IFNGR2: variants seen among roughly 807,000 people sequenced by gnomAD.
IFNGR2 encodes the protein IFN-gamma receptor 2.
A neutral mutation model predicts 41.1 loss-of-function variants in IFNGR2; 15 were observed. That is an observed-to-expected ratio of 0.37 (90% CI 0.24 to 0.56). The LOEUF (loss-of-function observed/expected upper bound fraction) is 0.56. Ranked by LOEUF, IFNGR2 falls within the 20% of genes least tolerant of loss-of-function variation. The pLI is 0.81. For synonymous variants in IFNGR2, 161 were observed against 171.6 expected, an observed-to-expected ratio of 0.94 and a Z score of 0.48; for missense variants, 362 against 415.7, an observed-to-expected ratio of 0.87 and a Z score of 1.12.
At chr21:33,430,693 T>A (rs2123365196) in intron 4 of IFNGR2, among the ~76,000 whole-genome samples, 1 of 152,258 alleles carries the variant, frequency 6.6e-6, no homozygotes, top group East Asian at 1.9e-4. Flanking sequence ...ACTCAAGTGA[T>A]CCTCCCACCT....
rs979344163 is a variant in IFNGR2 at position 33,421,680 on chromosome 21, G to A, written c.407G>A (p.Arg136Gln). 17 of 1,612,188 alleles carry A rather than the reference G, an allele frequency of 1.1e-5. No homozygotes were observed. The highest frequency in any genetic ancestry group is 1.7e-4 in the Middle Eastern group (1 of 6,054). ...ACAATGCCTTGGTTTCAACACTATC[G>A]GAATGGTAAGAGAACTTGAGTATAG... ...WVTMPWFQHYRNVTVGPPENI... is the reference protein window; with the variant it reads ...WVTMPWFQHYQNVTVGPPENI... Residue 136 changes from arginine (R) to glutamine (Q), a missense_variant, in exon 3 of 7, where the codon CGG (arginine) becomes CAG (glutamine). By Grantham distance (43) the Arg-to-Gln change is conservative. Transcript: ENST00000290219.
At chr21:33,405,103 G>GAAAAAAAAA (rs3057379) in intron 1 of IFNGR2, among the ~76,000 whole-genome samples, 3 of 119,804 alleles carry the variant, frequency 2.5e-5, no homozygotes, top group Non-Finnish European at 3.6e-5. Context: ...CTCTGTCTCA[G>GAAAAAAAAA]AAAAAAAAAA....
At chr21:33,411,642 A>T in intron 1 of IFNGR2, 1 of 387,940 alleles carries the variant, frequency 2.6e-6, no homozygotes, top group Non-Finnish European at 5.4e-6. Flanking sequence ...TTATACCACC[A>T]CAGGGTCCCC....
intron 3 of IFNGR2, among the ~76,000 whole-genome samples, chr21:33,423,982 A>G (rs910699659): frequency 1.2e-4 from 18 of 152,048 alleles, no homozygotes; most frequent in African/African-American, 4.3e-4. Context: ...AAAGTGTCAA[A>G]TAAGTGGGAA....
At chr21:33,413,642 C>A (rs528184569) in intron 1 of IFNGR2, among the ~76,000 whole-genome samples, 26 of 152,068 alleles carry the variant, frequency 1.7e-4, no homozygotes, top group African/African-American at 5.8e-4. Flanking sequence ...CTGTGAAGTA[C>A]CTGCTTGGGA....
At chr21:33,425,252 G>A (rs1022690006) in intron 3 of IFNGR2, among the ~76,000 whole-genome samples, 2 of 152,144 alleles carry the variant, frequency 1.3e-5, no homozygotes, top group Non-Finnish European at 2.9e-5. Context: ...GACACTGATC[G>A]TGAGAGGCTT....
chr21:33,403,467 G>A lies in IFNGR2; in HGVS notation c.-77G>A. On this transcript the variant is annotated 5_prime_UTR_variant, in exon 1 of 7. Coordinates refer to ENST00000290219, the MANE Select transcript of IFNGR2 (RefSeq NM_005534.4). ...CCCTGCGCTCGCCATGGCGGTTTGG[G>A]CGGCGACGTGAGCGGCTCCGCGGAC... The A allele has an allele frequency of 2.1e-6, 2 of 931,090 alleles. No homozygotes were observed. Among genetic ancestry groups the A allele is most frequent in the Non-Finnish European group, 2.7e-6 (2 of 752,734 alleles). 57.7% of individuals were successfully genotyped at this position (931,090 alleles called of 1,614,324 possible). A position where few individuals can be genotyped will look rare whatever the true frequency, so the allele number is the denominator to read the frequency against.
At chr21:33,407,660 A>G (rs2083685799) in intron 1 of IFNGR2, among the ~76,000 whole-genome samples, 1 of 152,180 alleles carries the variant, frequency 6.6e-6, no homozygotes. Flanking sequence ...CAGTGGCGCT[A>G]TCTCGGCTCA....
intron 4 of IFNGR2, among the ~76,000 whole-genome samples, chr21:33,430,385 T>A (rs963823033): frequency 5.3e-5 from 8 of 152,248 alleles, no homozygotes; most frequent in Non-Finnish European, 1.0e-4. Context: ...AAAGAAAATG[T>A]AAAACCATCA....
At chr21:33,417,381 C>T (rs1024673085) in intron 2 of IFNGR2, among the ~76,000 whole-genome samples, 2 of 152,148 alleles carry the variant, frequency 1.3e-5, no homozygotes, top group East Asian at 1.9e-4. Context: ...TGAGCCATCA[C>T]ACTGGCGTTT....
intron 2 of IFNGR2, among the ~76,000 whole-genome samples, chr21:33,420,086 G>A (rs1392251589): frequency 2.6e-5 from 4 of 152,174 alleles, no homozygotes; most frequent in South Asian, 2.1e-4. Context: ...AGGTATCTAT[G>A]GCGGGTGTCT....
chr21:33,419,316 T>C (rs771669342), intron 2 of IFNGR2, among the ~76,000 whole-genome samples: 17 of 152,210 alleles, frequency 1.1e-4, no homozygotes, highest in South Asian at 1.0e-3. Flanking sequence ...CCATGTTAGC[T>C]AGGCTGGTTT....
chr21:33,408,454 C>A (rs1446394664), intron 1 of IFNGR2, among the ~76,000 whole-genome samples: 1 of 152,072 alleles, frequency 6.6e-6, no homozygotes, highest in African/African-American at 2.4e-5. Flanking sequence ...CCTCAACCTC[C>A]CAAAGTGCTG....
Position 33,403,480 on chromosome 21 carries a change from C to T in IFNGR2, c.-64C>T. 1 of 1,022,734 alleles carries T rather than the reference C, an allele frequency of 9.8e-7. No individual in the cohort carries two copies. The highest frequency in any genetic ancestry group is 1.2e-6 in the Non-Finnish European group (1 of 832,094). The allele number at this position is 1,022,734 out of a possible 1,614,324, so 63.4% of individuals were successfully genotyped here. A position where few individuals can be genotyped will look rare whatever the true frequency, so the allele number is the denominator to read the frequency against. Reference sequence around the variant, plus strand: ...ATGGCGGTTTGGGCGGCGACGTGAGCGGCTCCGCGGACCCCGAGCGGGGCC... The same window carrying T: ...ATGGCGGTTTGGGCGGCGACGTGAGTGGCTCCGCGGACCCCGAGCGGGGCC... On this transcript the variant is annotated 5_prime_UTR_variant, in exon 1 of 7. Transcript: ENST00000290219.
At chr21:33,404,013 C>T (rs1159580571) in intron 1 of IFNGR2, among the ~76,000 whole-genome samples, 1 of 152,182 alleles carries the variant, frequency 6.6e-6, no homozygotes, top group Non-Finnish European at 1.5e-5. Context: ...TCGGCTGCGC[C>T]ACCTCCCCCA....
intron 1 of IFNGR2, among the ~76,000 whole-genome samples, chr21:33,404,551 C>A (rs558301868): frequency 6.6e-6 from 1 of 152,170 alleles, no homozygotes; most frequent in Admixed American, 6.5e-5. Flanking sequence ...GATCCTCCCA[C>A]GTCAGCCTCC....
Position 33,421,787 on chromosome 21 carries a change from C to T in IFNGR2, c.412+102C>T, listed in dbSNP as rs2083795417. 5 of 923,778 alleles carry T rather than the reference C, an allele frequency of 5.4e-6. No homozygotes were observed. In the South Asian group the frequency reaches 6.6e-5, roughly 12 times the overall value. 57.2% of individuals were successfully genotyped at this position (923,778 alleles called of 1,614,324 possible). A position where few individuals can be genotyped will look rare whatever the true frequency, so the allele number is the denominator to read the frequency against. On this transcript the variant is annotated intron_variant, in intron 3 of 6. Coordinates refer to ENST00000290219, the MANE Select transcript of IFNGR2 (RefSeq NM_005534.4). ...CTGTCCTGCCTGTCACCCTAAATGA[C>T]CAGCAGACAAATGGGTAGGACAGTC...
chr21:33,417,683 G>A (rs1305447920), intron 2 of IFNGR2, among the ~76,000 whole-genome samples: 1 of 152,182 alleles, frequency 6.6e-6, no homozygotes, highest in Non-Finnish European at 1.5e-5. Context: ...CGGGCTTGAT[G>A]TGAGCGCACA....
intron 1 of IFNGR2, among the ~76,000 whole-genome samples, chr21:33,405,937 G>A (rs903584965): frequency 3.3e-5 from 5 of 152,114 alleles, no homozygotes; most frequent in African/African-American, 7.2e-5. Context: ...GGCTGAAGCC[G>A]AAGAATCACT....
Sources: gnomAD v4.1 joint callset for allele counts (sites outside exome capture counted in the v4.1 genomes callset) on GRCh38, gnomAD v4.1.1 for gene constraint, MANE v1.5 for transcripts, NCBI Gene and HGNC (gene_info 2026-07-23, HGNC 2026-07-21) for gene names.